Variants in MECOM observed in about 807,000 individuals in gnomAD.
MECOM encodes MDS1 and EVI1 complex locus.
MECOM carries 13 observed loss-of-function variants against 116.3 expected under a neutral mutation model. The ratio of observed to expected loss-of-function variants is 0.11; its 90% CI spans 0.07 to 0.18. MECOM has a LOEUF of 0.18. MECOM is among the 10% of genes least tolerant of loss of function. The pLI is 1.00. For synonymous variants in MECOM, 528 were observed against 535.2 expected (o/e 0.99, Z 0.19); for missense variants, 1,299 against 1,509.0 (o/e 0.86, Z 2.31).
At chr3:169,624,500 C>A (rs556602182) in intron 1 of MECOM, among the ~76,000 whole-genome samples, 1 of 152,218 alleles carries the variant, frequency 6.6e-6, no homozygotes, top group Admixed American at 6.5e-5. Context: ...GCCACAGCAA[C>A]ACCACCAAGT....
At chr3:169,225,686 C>T (rs935411910) in intron 2 of MECOM, among the ~76,000 whole-genome samples, 3 of 152,118 alleles carry the variant, frequency 2.0e-5, no homozygotes, top group African/African-American at 2.4e-5. Context: ...CTCAGCTCAC[C>T]GCAACCTGTG....
chr3:169,350,885 T>C (rs1452531105), intron 2 of MECOM, among the ~76,000 whole-genome samples: 1 of 151,864 alleles, frequency 6.6e-6, no homozygotes. Context: ...TCTTGTTTTC[T>C]GGATAAAAAT....
chr3:169,362,844 C>G (rs530673268), intron 2 of MECOM, among the ~76,000 whole-genome samples: 1 of 152,122 alleles, frequency 6.6e-6, no homozygotes, highest in East Asian at 1.9e-4. Flanking sequence ...TTCACACACA[C>G]TTTACCTGAG....
chr3:169,644,212 C>T (rs943836372), intron 1 of MECOM, among the ~76,000 whole-genome samples: 10 of 151,912 alleles, frequency 6.6e-5, no homozygotes, highest in Non-Finnish European at 1.2e-4. Context: ...TGGTTCAGTT[C>T]CTCGCATTTT....
Position 169,146,269 on chromosome 3 carries a change from A to T in MECOM, c.376-2437T>A, listed in dbSNP as rs747667420. On this transcript the variant is annotated intron_variant, in intron 2 of 16. Transcript: ENST00000651503. Reference sequence around the variant, plus strand: ...GAATGTGACTTTCTCGCGAAGCAGCACACGATGTTGGACAGCAAAGCTGTT... The same window carrying T: ...GAATGTGACTTTCTCGCGAAGCAGCTCACGATGTTGGACAGCAAAGCTGTT... 244 of 1,227,470 alleles carry T rather than the reference A, an allele frequency of 2.0e-4. 1 individual carries two copies. The highest frequency in any genetic ancestry group is 5.8e-4 in the Admixed American group (17 of 29,328). 76.0% of individuals were successfully genotyped at this position (1,227,470 alleles called of 1,614,324 possible).
chr3:169,206,476 G>T (rs1283924213), intron 2 of MECOM, among the ~76,000 whole-genome samples: 1 of 152,058 alleles, frequency 6.6e-6, no homozygotes, highest in Non-Finnish European at 1.5e-5. Flanking sequence ...TTATGGCCAG[G>T]CATGGTGGCT....
At chr3:169,373,125 A>G (rs1374637089) in intron 2 of MECOM, among the ~76,000 whole-genome samples, 4 of 152,032 alleles carry the variant, frequency 2.6e-5, no homozygotes. Context: ...AGTCCTTTAG[A>G]CAAGCACATT....
At chr3:169,594,713 C>A (rs1190907968) in intron 1 of MECOM, among the ~76,000 whole-genome samples, 1 of 151,626 alleles carries the variant, frequency 6.6e-6, no homozygotes, top group East Asian at 1.9e-4. Context: ...GCATTTCACA[C>A]AGCTGGCTTT....
intron 2 of MECOM, among the ~76,000 whole-genome samples, chr3:169,286,448 C>A (rs1042333819): frequency 6.6e-6 from 1 of 152,176 alleles, no homozygotes; most frequent in African/African-American, 2.4e-5. Context: ...ACCTTCCCTT[C>A]TTGTAACATT....
intron 1 of MECOM, among the ~76,000 whole-genome samples, chr3:169,437,194 G>C (rs1209365949): frequency 6.6e-6 from 1 of 152,160 alleles, no homozygotes; most frequent in African/African-American, 2.4e-5. Flanking sequence ...ATTCTCCACT[G>C]TCATAAATCT....
Position 169,128,831 on chromosome 3 carries a change from G to C in MECOM, c.614-771C>G, listed in dbSNP as rs1733743906. ...TAGTAGTGTGGTATAGAGATAACAA[G>C]GTTATAAAATGTCAGGTAGTGATGG... is the stretch of plus-strand genomic sequence containing the variant. On this transcript the variant is annotated intron_variant, in intron 4 of 16. Transcript: ENST00000651503. Among the ~76,000 whole-genome samples, 4 of 152,118 alleles carry C rather than the reference G, an allele frequency of 2.6e-5. No homozygotes were observed. The South Asian group carries it at 8.3e-4, about 32-fold the overall frequency.
In MECOM at chr3:169,469,080, G is replaced by A. The variant is rs183286537; in HGVS notation, c.38-87556C>T. ...GTAAAGATGGACACAGGGACAGATCGTTACAATTCTAGTCAAATTCCATAA... is the reference window on the plus strand; with the variant it reads ...GTAAAGATGGACACAGGGACAGATCATTACAATTCTAGTCAAATTCCATAA... On this transcript the variant is annotated intron_variant, in intron 1 of 16. Coordinates refer to ENST00000651503, the MANE Select transcript of MECOM (RefSeq NM_004991.4). Among the ~76,000 whole-genome samples, 169 of 152,120 alleles carry A rather than the reference G, an allele frequency of 1.1e-3. 3 individuals are homozygous for A. Among genetic ancestry groups the A allele is most frequent in the African/African-American group, 3.7e-3 (154 of 41,416 alleles).
intron 2 of MECOM, among the ~76,000 whole-genome samples, chr3:169,341,598 G>C (rs1177362760): frequency 2.6e-5 from 4 of 151,818 alleles, no homozygotes; most frequent in Admixed American, 6.6e-5. Flanking sequence ...AAATTAGCTG[G>C]GCTTGGTGGC....
rs116488598 is a variant in MECOM at position 169,106,760 on chromosome 3, G to A, written c.2604+1166C>T. Among the ~76,000 whole-genome samples, 1,275 of 152,194 alleles carry A rather than the reference G, an allele frequency of 8.4e-3. 22 individuals carry two copies. Among genetic ancestry groups the A allele is most frequent in the African/African-American group, 0.03 (1,237 of 41,536 alleles). On this transcript the variant is annotated intron_variant, in intron 10 of 16. Transcript: ENST00000651503. The stretch of plus-strand genomic sequence containing the variant: ...CAAAGTCATACTGTACCTTAGAAAA[G>A]ATGAGGACCGTGAGGCACAATACTC...
At chr3:169,622,677 A>C (rs28497953) in intron 1 of MECOM, among the ~76,000 whole-genome samples, 4,882 of 152,300 alleles carry the variant, frequency 0.032, 192 homozygotes, top group African/African-American at 0.095. Context: ...AGTGGGAGTT[A>C]ATCTGATTAA....
chr3:169,310,749 G>A (rs915113563), intron 2 of MECOM, among the ~76,000 whole-genome samples: 6 of 152,154 alleles, frequency 3.9e-5, no homozygotes, highest in African/African-American at 1.4e-4. Context: ...ATGCACACAT[G>A]CGATGACCTG....
intron 1 of MECOM, among the ~76,000 whole-genome samples, chr3:169,495,510 A>G (rs1005848227): frequency 1.3e-5 from 2 of 152,158 alleles, no homozygotes; most frequent in Non-Finnish European, 2.9e-5. Context: ...TGCATAATAG[A>G]AGAGACTATA....
intron 2 of MECOM, among the ~76,000 whole-genome samples, chr3:169,323,675 C>T (rs1274621147): frequency 6.6e-6 from 1 of 152,216 alleles, no homozygotes; most frequent in East Asian, 1.9e-4. Context: ...GTTGCCTCTA[C>T]AGCCCTTCCC....
At chr3:169,197,320 A>G (rs1036259891) in intron 2 of MECOM, among the ~76,000 whole-genome samples, 1 of 89,254 alleles carries the variant, frequency 1.1e-5, no homozygotes, top group African/African-American at 3.9e-5. Flanking sequence ...TAAAAATTAA[A>G]AATAAATAAA....
Sources: gnomAD v4.1 joint callset for allele counts (sites outside exome capture counted in the v4.1 genomes callset) on GRCh38, gnomAD v4.1.1 for gene constraint, MANE v1.5 for transcripts, NCBI Gene and HGNC (gene_info 2026-07-23, HGNC 2026-07-21) for gene names.